The following FHIT variants were observed in gnomAD, a reference collection of about 807,000 sequenced individuals.
The protein encoded by FHIT is fragile histidine triad diadenosine triphosphatase, also known as bis(5'-adenosyl)-triphosphatase.
Under a neutral mutation model 17.9 loss-of-function variants are expected in FHIT, and 19 were observed. The observed-to-expected ratio is 1.06, with a 90% CI of 0.74 to 1.56. FHIT has a LOEUF of 1.56. Ranked by LOEUF, FHIT falls within the 40% of genes most tolerant of loss-of-function variation. FHIT has a pLI of 0.00. For synonymous variants in FHIT, 81 were observed against 69.7 expected (o/e 1.16, Z -0.81); for missense variants, 248 against 189.2 (o/e 1.31, Z -1.82).
chr3:60,824,773 C>G (rs1702055133), intron 3 of FHIT, among the ~76,000 whole-genome samples: 1 of 152,160 alleles, frequency 6.6e-6, no homozygotes, highest in Admixed American at 6.5e-5. Context: ...ATGGGAGTCT[C>G]TCTGCACAAG....
intron 5 of FHIT, among the ~76,000 whole-genome samples, chr3:60,035,568 T>C (rs1448953205): frequency 6.6e-6 from 1 of 152,214 alleles, no homozygotes; most frequent in East Asian, 1.9e-4. Flanking sequence ...GGTCCCTCCC[T>C]TAAATATAAG....
intron 4 of FHIT, among the ~76,000 whole-genome samples, chr3:60,722,801 C>T (rs151306441): frequency 6.1e-5 from 9 of 148,288 alleles, no homozygotes; most frequent in Non-Finnish European, 1.0e-4. Flanking sequence ...CGGCTCATTG[C>T]CACCTCTGCT....
chr3:60,775,278 A>G (rs1298560727), intron 4 of FHIT, among the ~76,000 whole-genome samples: 1 of 152,166 alleles, frequency 6.6e-6, no homozygotes, highest in African/African-American at 2.4e-5. Flanking sequence ...AGCAGGGACA[A>G]CCACCCAAGT....
intron 2 of FHIT, among the ~76,000 whole-genome samples, chr3:61,112,837 T>C (rs1338081020): frequency 6.6e-6 from 1 of 152,176 alleles, no homozygotes; most frequent in Admixed American, 6.6e-5. Context: ...GTCAAGAGGC[T>C]GATGAGGCAT....
intron 2 of FHIT, among the ~76,000 whole-genome samples, chr3:61,120,467 A>T (rs900574979): frequency 2.0e-4 from 31 of 152,214 alleles, no homozygotes; most frequent in African/African-American, 7.0e-4. Context: ...GTTACAGAAC[A>T]ATTTTCATTC....
chr3:59,806,832 A>G (rs1371304387), intron 8 of FHIT, among the ~76,000 whole-genome samples: 1 of 152,114 alleles, frequency 6.6e-6, no homozygotes, highest in Non-Finnish European at 1.5e-5. Flanking sequence ...AACAATGAGA[A>G]CAACAAAATC....
At chr3:60,793,341 G>A (rs573163726) in intron 4 of FHIT, among the ~76,000 whole-genome samples, 14 of 150,280 alleles carry the variant, frequency 9.3e-5, no homozygotes, top group Non-Finnish European at 1.2e-4. Flanking sequence ...TTGCTCTGTC[G>A]CCCAGGCTGG....
intron 5 of FHIT, among the ~76,000 whole-genome samples, chr3:60,377,227 G>A (rs1487979036): frequency 6.8e-6 from 1 of 147,804 alleles, no homozygotes; most frequent in Admixed American, 6.7e-5. Flanking sequence ...TTTTAATGGA[G>A]TTTTGCTCTG....
At chr3:60,726,340 T>A (rs2041916081) in intron 4 of FHIT, among the ~76,000 whole-genome samples, 3 of 152,204 alleles carry the variant, frequency 2.0e-5, no homozygotes, top group African/African-American at 7.2e-5. Context: ...TTACTTCCAA[T>A]CTGAAAATTA....
chr3:60,531,726 C>T (rs890570234), intron 5 of FHIT, among the ~76,000 whole-genome samples: 32 of 152,188 alleles, frequency 2.1e-4, no homozygotes, highest in African/African-American at 7.7e-4. Context: ...TTATGTATAG[C>T]ATCTATTCTG....
At chr3:60,711,903 G>A (rs2041544361) in intron 4 of FHIT, among the ~76,000 whole-genome samples, 1 of 152,092 alleles carries the variant, frequency 6.6e-6, no homozygotes, top group Non-Finnish European at 1.5e-5. Context: ...CCAACATTCA[G>A]ATTCAGGAAA....
chr3:61,248,610 A>G (rs1438652911), intron 1 of FHIT, among the ~76,000 whole-genome samples: 1 of 152,224 alleles, frequency 6.6e-6, no homozygotes, highest in African/African-American at 2.4e-5. Flanking sequence ...AGAACAAAAG[A>G]GAAAAGAGTA....
At chr3:60,277,686 A>G (rs980465958) in intron 5 of FHIT, among the ~76,000 whole-genome samples, 3 of 152,034 alleles carry the variant, frequency 2.0e-5, no homozygotes, top group Admixed American at 2.0e-4. Flanking sequence ...ATAAACTCCA[A>G]TGCACTCTGC....
At chr3:60,416,109 T>A (rs184928844) in intron 5 of FHIT, among the ~76,000 whole-genome samples, 1 of 151,714 alleles carries the variant, frequency 6.6e-6, no homozygotes, top group East Asian at 1.9e-4. Context: ...AAAGGCCCAA[T>A]AAACATAACA....
chr3:60,106,446 A>G (rs1704417032), intron 5 of FHIT, among the ~76,000 whole-genome samples: 1 of 152,218 alleles, frequency 6.6e-6, no homozygotes, highest in Admixed American at 6.5e-5. Flanking sequence ...ACCACAGTTC[A>G]TGATAAGTGC....
intron 4 of FHIT, among the ~76,000 whole-genome samples, chr3:60,591,504 C>G (rs782033132): frequency 2.6e-5 from 4 of 152,096 alleles, no homozygotes; most frequent in African/African-American, 4.8e-5. Context: ...AAAACAGCCA[C>G]TAGGCTGTAT....
At chr3:61,100,226 A>C (rs2035774174) in intron 2 of FHIT, among the ~76,000 whole-genome samples, 1 of 152,042 alleles carries the variant, frequency 6.6e-6, no homozygotes, top group African/African-American at 2.4e-5. Context: ...ACACCCCCCG[A>C]CAGGACCCAG....
intron 2 of FHIT, among the ~76,000 whole-genome samples, chr3:61,178,900 A>T (rs2038237287): frequency 6.6e-6 from 1 of 152,148 alleles, no homozygotes; most frequent in African/African-American, 2.4e-5. Flanking sequence ...TTACTCAGTC[A>T]GCCATGCCAT....
intron 3 of FHIT, among the ~76,000 whole-genome samples, chr3:61,019,633 AGCACAC>A (rs2032302584): frequency 6.6e-6 from 1 of 152,240 alleles, no homozygotes; most frequent in Non-Finnish European, 1.5e-5. Context: ...AACGCTATAT[AGCACAC>A]TTAGCTCTCT....
Sources: allele counts gnomAD v4.1 joint callset (sites outside exome capture counted in the v4.1 genomes callset), GRCh38; gene constraint gnomAD v4.1.1; transcripts MANE v1.5; gene names NCBI Gene and HGNC (gene_info 2026-07-23, HGNC 2026-07-21).